The following TTLL5 variants were observed in gnomAD, a reference collection of about 807,000 sequenced individuals.
The protein encoded by TTLL5 is tubulin polyglutamylase TTLL5.
In TTLL5, 132 loss-of-function variants were observed where a neutral mutation model predicts 168.4. That is an observed-to-expected ratio of 0.78 (90% confidence interval 0.68 to 0.91). TTLL5 has a LOEUF of 0.91. Among genes scored for constraint, TTLL5 ranks in the 40% least tolerant of loss-of-function variants. The pLI, the probability that TTLL5 is intolerant of heterozygous loss-of-function variation, is 0.00. For missense variants in TTLL5, 1,545 were observed against 1,581.5 expected (o/e 0.98, Z 0.39); for synonymous variants, 546 against 558.6 (o/e 0.98, Z 0.32).
chr14:75,663,289 C>A, intron 2 of TTLL5, 66 bp downstream of exon 2: 1 of 1,395,986 alleles, frequency 7.2e-7, no homozygotes, highest in East Asian at 2.5e-5. Context: ...CTCTTATATA[C>A]TGTTTTACTA....
intron 18 of TTLL5, among the ~76,000 whole-genome samples, chr14:75,763,255 CTGTG>C (rs60621403): frequency 4.5e-3 from 261 of 58,594 alleles, no homozygotes; most frequent in Admixed American, 0.017. Context: ...AGCTCTCTCT[CTGTG>C]TGTGTGTGTG....
intron 28 of TTLL5, among the ~76,000 whole-genome samples, chr14:75,855,358 A>T (rs749084738): frequency 2.6e-5 from 4 of 152,188 alleles, no homozygotes; most frequent in African/African-American, 7.2e-5. Context: ...TGGAGGGTGA[A>T]CAAAAGCTGA....
At chr14:75,937,187 G>T (rs986090961) in intron 31 of TTLL5, among the ~76,000 whole-genome samples, 4 of 151,358 alleles carry the variant, frequency 2.6e-5, no homozygotes, top group African/African-American at 9.7e-5. Context: ...CACGATCTCA[G>T]CTCACTGCAA....
At chr14:75,804,306 C>T (rs927515145) in intron 27 of TTLL5, among the ~76,000 whole-genome samples, 4 of 152,246 alleles carry the variant, frequency 2.6e-5, no homozygotes, top group African/African-American at 9.6e-5. Context: ...GTTAAACTCT[C>T]TCACTCTCTC....
chr14:75,935,884 C>T (rs1296742564), intron 31 of TTLL5, among the ~76,000 whole-genome samples: 1 of 152,108 alleles, frequency 6.6e-6, no homozygotes, highest in Non-Finnish European at 1.5e-5. Flanking sequence ...ACTCCATAAT[C>T]TTTTGTATTT....
rs112696312 is a variant in TTLL5, at chr14:75,948,590, G to A, written c.3824-5834G>A. Among the ~76,000 whole-genome samples, 203 of 152,136 alleles carry A rather than the reference G, an allele frequency of 1.3e-3. 4 individuals carry two copies. In the South Asian group the frequency reaches 0.026, roughly 19 times the overall value. Reference sequence around the variant, plus strand: ...AATTTATGCTTACAGTGAGGGAAGAGGAGGGGCTGAAAGTTAATGTGCCAA... The same window carrying A: ...AATTTATGCTTACAGTGAGGGAAGAAGAGGGGCTGAAAGTTAATGTGCCAA... On this transcript the variant is annotated intron_variant, in intron 31 of 31. Transcript: ENST00000298832.
chr14:75,873,717 A>T (rs1273048920), intron 29 of TTLL5, among the ~76,000 whole-genome samples: 2 of 151,722 alleles, frequency 1.3e-5, no homozygotes, highest in Non-Finnish European at 2.9e-5. Context: ...CCATTCATTC[A>T]TTGATGGACA....
At chr14:75,693,885 G>A (rs181010024) in intron 6 of TTLL5, among the ~76,000 whole-genome samples, 2 of 152,170 alleles carry the variant, frequency 1.3e-5, no homozygotes, top group South Asian at 2.1e-4. Flanking sequence ...GTAGAATTAC[G>A]ATTTTAGAAT....
rs762131201 is a variant in TTLL5 at position 75,902,209 on chromosome 14, A to C, written c.3808A>C (p.Ile1270Leu). The C allele has an allele frequency of 1.2e-6, 2 of 1,614,068 alleles. No individual in the cohort carries two copies. Among genetic ancestry groups the C allele is most frequent in the African/African-American group, 1.3e-5 (1 of 74,944 alleles). Residue 1270 changes from isoleucine (I) to leucine (L), a missense_variant, in exon 31 of 32, where the codon ATC becomes CTC. Coordinates refer to ENST00000298832, the MANE Select transcript of TTLL5 (RefSeq NM_015072.5). ...SSLNPAAFVP[I>L]TSSTDPAHTK... The stretch of plus-strand genomic sequence containing the variant: ...CCTTAACCCTGCAGCCTTTGTGCCC[A>C]TCACCAGCTCTACAGGTTAGTGGGC...
intron 27 of TTLL5, among the ~76,000 whole-genome samples, chr14:75,816,139 G>A (rs1352145525): frequency 6.6e-6 from 1 of 152,156 alleles, no homozygotes; most frequent in Non-Finnish European, 1.5e-5. Flanking sequence ...ATTGCTTGGG[G>A]TTAAATGAGA....
chr14:75,891,979 CTT>C (rs2032425749), intron 30 of TTLL5, among the ~76,000 whole-genome samples: 1 of 152,160 alleles, frequency 6.6e-6, no homozygotes, highest in African/African-American at 2.4e-5. Flanking sequence ...TGCAGCTGCT[CTT>C]GTTTCCTACT....
intron 10 of TTLL5, among the ~76,000 whole-genome samples, chr14:75,718,570 A>G (rs113023341): frequency 1.3e-5 from 2 of 152,348 alleles, no homozygotes; most frequent in African/African-American, 4.8e-5. Context: ...TAGCTTAACT[A>G]TAGTGGGTAG....
In TTLL5 at chr14:75,723,732, A is replaced by G. The variant is rs186758298; in HGVS notation, c.1042+3029A>G. Among the ~76,000 whole-genome samples the G allele has an allele frequency of 5.4e-3, 829 of 152,266 alleles. 6 individuals are homozygous for G. The highest frequency in any genetic ancestry group is 6.3e-3 in the Non-Finnish European group (426 of 68,018). On this transcript the variant is annotated intron_variant, in intron 12 of 31. Transcript: ENST00000298832. Reference sequence around the variant, plus strand: ...CTGTGACTTTCTCTGACTCAGTGAAATACCCCTTAAGTCCATTTCATCAGC... The same window carrying G: ...CTGTGACTTTCTCTGACTCAGTGAAGTACCCCTTAAGTCCATTTCATCAGC...
chr14:75,930,618 G>A, intron 31 of TTLL5: 1 of 985,368 alleles, frequency 1.0e-6, no homozygotes, highest in Non-Finnish European at 1.2e-6. Context: ...GAAATTCACG[G>A]AACAAGTGGA....
chr14:75,828,105 A>G (rs1448116816), intron 28 of TTLL5, among the ~76,000 whole-genome samples: 3 of 152,316 alleles, frequency 2.0e-5, no homozygotes, highest in African/African-American at 7.2e-5. Flanking sequence ...ACTATAATTT[A>G]AAAGGATTTA....
intron 7 of TTLL5, among the ~76,000 whole-genome samples, chr14:75,700,874 C>A (rs1274835394): frequency 6.6e-6 from 1 of 152,106 alleles, no homozygotes; most frequent in Non-Finnish European, 1.5e-5. Flanking sequence ...TGAAATTTAA[C>A]CAGGATTTAG....
At chr14:75,880,156 T>A (rs1472420110) in intron 29 of TTLL5, among the ~76,000 whole-genome samples, 1 of 151,382 alleles carries the variant, frequency 6.6e-6, no homozygotes, top group African/African-American at 2.4e-5. Flanking sequence ...AGAGAGAGAG[T>A]GTGTGTACAT....
intron 3 of TTLL5, among the ~76,000 whole-genome samples, chr14:75,671,000 C>CT (rs1485823340): frequency 1.3e-5 from 2 of 152,192 alleles, no homozygotes; most frequent in East Asian, 3.9e-4. Context: ...GATCCCTGTG[C>CT]TTTTTTCTAA....
chr14:75,914,775 C>T (rs2033550282), intron 31 of TTLL5, among the ~76,000 whole-genome samples: 1 of 152,130 alleles, frequency 6.6e-6, no homozygotes, highest in African/African-American at 2.4e-5. Context: ...AGGAGCCTGC[C>T]ACCATGCCTG....
Sources: gnomAD v4.1 joint callset for allele counts (sites outside exome capture counted in the v4.1 genomes callset) on GRCh38, gnomAD v4.1.1 for gene constraint, MANE v1.5 for transcripts, NCBI Gene and HGNC (gene_info 2026-07-23, HGNC 2026-07-21) for gene names.